Variants in SLC5A5 observed in about 807,000 individuals in gnomAD.
The protein encoded by SLC5A5 is sodium/iodide cotransporter.
A neutral mutation model predicts 68.6 loss-of-function variants in SLC5A5; 56 were observed. The observed-to-expected ratio is 0.82, with a 90% CI of 0.66 to 1.02. SLC5A5 has a LOEUF of 1.02. Among genes scored for constraint, SLC5A5 ranks in the 50% least tolerant of loss-of-function variants. SLC5A5 has a pLI of 0.00. For synonymous variants in SLC5A5, 398 were observed against 373.0 expected (o/e 1.07, Z -0.77); for missense variants, 807 against 859.8 (o/e 0.94, Z 0.77).
In SLC5A5 at chr19:17,883,976, C is replaced by G. The variant is rs1298958364; in HGVS notation, c.1456C>G (p.Leu486Val). ...ATCGTCGGCTGCCCGCTGCGTGGCT[C>G]TCTCAGTCAACGCCTCTGGCCTCCT... ...LPSSAARCVA[L>V]SVNASGLLDP... Residue 486 changes from leucine to valine, a missense_variant, in exon 12 of 15, where the codon CTC (leucine) becomes GTC (valine). Physicochemically the swap from Leu to Val is conservative, Grantham distance 32. Transcript: ENST00000222248. 4 of 1,568,680 alleles carry G rather than the reference C, an allele frequency of 2.5e-6. No homozygotes were observed. Among genetic ancestry groups the G allele is most frequent in the Non-Finnish European group, 3.5e-6 (4 of 1,158,442 alleles).
At chr19:17,880,389 A>G (rs796791918) in intron 7 of SLC5A5, among the ~76,000 whole-genome samples, 5 of 151,454 alleles carry the variant, frequency 3.3e-5, no homozygotes, top group African/African-American at 1.2e-4. Flanking sequence ...TAATTTATGT[A>G]TTTTGGGTAG....
Position 17,893,972 on chromosome 19 carries a change from T to A in SLC5A5, c.*95T>A. ...CCCATGGCCTTGGGCTCTGATTGGC[T>A]GGATTGCCTTGTATGCAAATGAGTT... On this transcript the variant is annotated 3_prime_UTR_variant, in exon 15 of 15. Coordinates refer to ENST00000222248, the MANE Select transcript of SLC5A5 (RefSeq NM_000453.3). 8.2e-7 allele frequency: 1 copy of A among 1,225,804 alleles called. No individual in the cohort carries two copies. The highest frequency in any genetic ancestry group is 1.2e-6 in the Non-Finnish European group (1 of 853,254). The allele number at this position is 1,225,804 out of a possible 1,614,324, so 75.9% of individuals were successfully genotyped here. A position where few individuals can be genotyped will look rare whatever the true frequency, so the allele number is the denominator to read the frequency against.
chr19:17,885,756 G>C (rs2094331761), intron 12 of SLC5A5, among the ~76,000 whole-genome samples: 1 of 152,060 alleles, frequency 6.6e-6, no homozygotes, highest in Non-Finnish European at 1.5e-5. Flanking sequence ...CCTCTCCCCA[G>C]CTCCTGGCAA....
intron 7 of SLC5A5, among the ~76,000 whole-genome samples, chr19:17,878,948 C>T (rs1450359958): frequency 2.3e-5 from 3 of 128,406 alleles, no homozygotes; most frequent in Non-Finnish European, 4.7e-5. Flanking sequence ...GCACTCCAGC[C>T]TGGGTGACAG....
At chr19:17,888,604 T>C in intron 13 of SLC5A5, 149 bp downstream of exon 13, 4 of 427,576 alleles carry the variant, frequency 9.4e-6, no homozygotes, top group South Asian at 3.2e-5. Context: ...ATTATTATTA[T>C]TATTATTATT....
chr19:17,875,068 G>T (rs2094303573), intron 4 of SLC5A5, among the ~76,000 whole-genome samples: 1 of 152,046 alleles, frequency 6.6e-6, no homozygotes, highest in South Asian at 2.1e-4. Flanking sequence ...TATCATCGTA[G>T]TGATAATAAT....
Position 17,872,409 on chromosome 19 carries a change from C to A in SLC5A5, c.90C>A (p.Ile30=). The change falls in exon 1 of 15, where the codon ATC becomes ATA. Residue 30 remains isoleucine, a synonymous_variant. Coordinates refer to ENST00000222248, the MANE Select transcript of SLC5A5 (RefSeq NM_000453.3). ...TCATGCTCCTGGTGTCCACTGGCAT[C>A]GGGCTGTGGGTCGGGCTGGCTCGGG... is the stretch of plus-strand genomic sequence containing the variant. ...FALMLLVSTG[I]GLWVGLARGG... is the part of the protein sequence containing the mutation. The A allele has an allele frequency of 6.2e-7, 1 of 1,606,976 alleles. No individual in the cohort carries two copies. Among genetic ancestry groups the A allele is most frequent in the Non-Finnish European group, 8.5e-7 (1 of 1,176,670 alleles).
intron 7 of SLC5A5, among the ~76,000 whole-genome samples, chr19:17,880,610 C>G (rs574324894): frequency 6.6e-6 from 1 of 152,168 alleles, no homozygotes; most frequent in African/African-American, 2.4e-5. Flanking sequence ...GCAGGAAGAT[C>G]GCTTGAGCCC....
At position 17,880,909 on chromosome 19, in the gene SLC5A5, A is replaced by C. The variant is rs1290580344; in HGVS notation, c.1014A>C (p.Gly338=). 1 of 1,614,030 alleles carries C rather than the reference A, an allele frequency of 6.2e-7. No homozygotes were observed. Among genetic ancestry groups the C allele is most frequent in the Non-Finnish European group, 8.5e-7 (1 of 1,179,978 alleles). ...TGGACATCTTCGAAGATCTGCCTGG[A>C]GTCCCCGGGCTTTTCCTGGCCTGTG... ...LVLDIFEDLP[G]VPGLFLACAY... The change falls in exon 8 of 15, where the codon GGA becomes GGC. Residue 338 remains glycine (G), a synonymous_variant. Transcript: ENST00000222248.
rs1308126089 is a variant in SLC5A5, at chr19:17,875,587, A to AT, written c.544-365_544-364insT. Reference sequence around the variant, plus strand: ...AGACCAGCCTAGGCAACATAGTGAGACCCCCCCCCGCCCCCATCTCTACAA... The same window carrying AT: ...AGACCAGCCTAGGCAACATAGTGAGATCCCCCCCCCGCCCCCATCTCTACAA... On this transcript the variant is annotated intron_variant, in intron 4 of 14. Transcript: ENST00000222248. Among the ~76,000 whole-genome samples, 670 of 145,098 alleles carry AT rather than the reference A, an allele frequency of 4.6e-3. 9 individuals carry two copies. Among genetic ancestry groups the AT allele is most frequent in the African/African-American group, 0.017 (636 of 38,132 alleles).
At chr19:17,879,656 A>G (rs560556619) in intron 7 of SLC5A5, among the ~76,000 whole-genome samples, 13 of 152,162 alleles carry the variant, frequency 8.5e-5, no homozygotes, top group African/African-American at 2.6e-4. Context: ...GGTACGGGGG[A>G]CCACCCCATC....
At chr19:17,893,671 A>T (rs1297752479) in intron 14 of SLC5A5, 42 bp from the exon 15 acceptor site, 1 of 1,602,490 alleles carries the variant, frequency 6.2e-7, no homozygotes, top group African/African-American at 1.3e-5. Flanking sequence ...CAGGGTGGGG[A>T]CAGGGTCTCT....
chr19:17,882,113 C>T (rs2094321944), intron 9 of SLC5A5, 36 bp from the exon 10 acceptor site: 1 of 1,612,046 alleles, frequency 6.2e-7, no homozygotes, highest in Non-Finnish European at 8.5e-7. Context: ...CAGGGCAGTC[C>T]CTCCCCGTTG....
intron 7 of SLC5A5, among the ~76,000 whole-genome samples, chr19:17,880,445 G>T (rs920832584): frequency 6.6e-6 from 1 of 151,996 alleles, no homozygotes; most frequent in African/African-American, 2.4e-5. Flanking sequence ...GAACTTCTGA[G>T]CTCAAGTGAT....
intron 8 of SLC5A5, 59 bp from the exon 9 acceptor site, chr19:17,881,901 G>GATGGTGTGGACGGTCTCTCCAT: frequency 2.2e-6 from 3 of 1,335,874 alleles, no homozygotes; most frequent in Non-Finnish European, 3.2e-6. Context: ...TGGCAGGCCA[G>GATGGTGTGGACGGTCTCTCCAT]ATGGTGTGGA....
intron 5 of SLC5A5, among the ~76,000 whole-genome samples, chr19:17,876,810 C>T (rs1350011038): frequency 2.6e-5 from 4 of 151,488 alleles, no homozygotes; most frequent in South Asian, 2.1e-4. Flanking sequence ...TGCAGTGAGC[C>T]GAGATGGCAT....
chr19:17,893,925 T>G lies in SLC5A5; in HGVS notation c.*48T>G. On this transcript the variant is annotated 3_prime_UTR_variant, in exon 15 of 15. Coordinates refer to ENST00000222248, the MANE Select transcript of SLC5A5 (RefSeq NM_000453.3). ...GACACCCTGGGATGGAACCTCAGGA[T>G]GGGCCAAACCCAGACAACGGGCCCA... 6 of 1,532,552 alleles carry G rather than the reference T, an allele frequency of 3.9e-6. No individual in the cohort carries two copies. Among genetic ancestry groups the G allele is most frequent in the Non-Finnish European group, 4.4e-6 (5 of 1,129,698 alleles). The allele number at this position is 1,532,552 out of a possible 1,614,324, so 94.9% of individuals were successfully genotyped here. A position where few individuals can be genotyped will look rare whatever the true frequency, so the allele number is the denominator to read the frequency against.
Position 17,872,466 on chromosome 19 carries a change from C to T in SLC5A5, c.147C>T (p.Thr49=), listed in dbSNP as rs1184084118. ...AGCGCAGCGCTGAGGACTTCTTCAC[C>T]GGGGGCCGGCGCCTGGCGGCCCTGC... ...GGQRSAEDFF[T]GGRRLAALPV... is the part of the protein sequence containing the mutation. Residue 49 remains threonine, a synonymous_variant, in exon 1 of 15, where the codon ACC becomes ACT. Coordinates refer to ENST00000222248, the MANE Select transcript of SLC5A5 (RefSeq NM_000453.3). 1.9e-6 allele frequency: 3 copies of T among 1,611,092 alleles called. No individual in the cohort carries two copies. Among genetic ancestry groups the T allele is most frequent in the Non-Finnish European group, 2.5e-6 (3 of 1,179,112 alleles).
Position 17,872,550 on chromosome 19 carries a change from G to A in SLC5A5, c.231G>A (p.Pro77=), listed in dbSNP as rs1412262080. Residue 77 remains proline, a synonymous_variant, in exon 1 of 15, where the codon CCG becomes CCA. Coordinates refer to ENST00000222248, the MANE Select transcript of SLC5A5 (RefSeq NM_000453.3). The stretch of plus-strand genomic sequence containing the variant: ...CGGCCGTGCAGGTGCTGGGCGTGCC[G>A]TCGGAGGCCTATCGCTATGGCCTCA... ...FMSAVQVLGV[P]SEAYRYGLKF... 2 of 1,612,662 alleles carry A rather than the reference G, an allele frequency of 1.2e-6. No homozygotes were observed. The highest frequency in any genetic ancestry group is 3.3e-5 in the Admixed American group (2 of 60,014).
Sources: gnomAD v4.1 joint callset for allele counts (sites outside exome capture counted in the v4.1 genomes callset) on GRCh38, gnomAD v4.1.1 for gene constraint, MANE v1.5 for transcripts, NCBI Gene and HGNC (gene_info 2026-07-23, HGNC 2026-07-21) for gene names.